Variants in SSBP4 observed in about 807,000 individuals in gnomAD.
SSBP4 encodes the protein single stranded DNA binding protein 4.
SSBP4 carries 33 observed loss-of-function variants against 64.6 expected under a neutral mutation model. The observed-to-expected ratio is 0.51, with a 90% confidence interval of 0.39 to 0.68. The LOEUF (loss-of-function observed/expected upper bound fraction) is 0.68, where lower values mean the gene tolerates loss of function less well. Among genes scored for constraint, SSBP4 ranks in the 30% least tolerant of loss-of-function variants. The probability of loss-of-function intolerance (pLI) is 0.00; values close to 1 mark genes in which losing one functional copy is unlikely to be tolerated. For missense variants in SSBP4, 583 were observed against 566.8 expected, an observed-to-expected ratio of 1.03 and a Z score of -0.29; for synonymous variants, 243 against 224.0, an observed-to-expected ratio of 1.08 and a Z score of -0.76.
chr19:18,430,649 G>T (rs1973283291), intron 4 of SSBP4, among the ~76,000 whole-genome samples, 192 bp from the exon 5 acceptor site: 1 of 152,168 alleles, frequency 6.6e-6, no homozygotes, highest in Non-Finnish European at 1.5e-5. Flanking sequence ...AAACGAGGGC[G>T]ACACTGGATC....
the SSBP4 span, among the ~76,000 whole-genome samples, chr19:18,413,542 C>A: frequency 6.6e-5 from 10 of 152,156 alleles, no homozygotes; most frequent in African/African-American, 1.2e-4. Flanking sequence ...CCCCCAACCT[C>A]ATTTTGATTT....
Position 18,434,472 on chromosome 19 carries a change from C to T in SSBP4, c.*226C>T. On this transcript the variant is annotated 3_prime_UTR_variant, in exon 18 of 18. Coordinates refer to ENST00000270061, the MANE Select transcript of SSBP4 (RefSeq NM_032627.5). ...CCTTCCTGCCATTTGTATTTTGTCC[C>T]AGAGAGAAAGGCTCTTTGGGGGGCC... 3.3e-6 allele frequency: 3 copies of T among 919,662 alleles called. No homozygotes were observed. Among genetic ancestry groups the T allele is most frequent in the Non-Finnish European group, 3.0e-6 (2 of 665,966 alleles). The allele number at this position is 919,662 out of a possible 1,614,324, so 57.0% of individuals were successfully genotyped here. A position where few individuals can be genotyped will look rare whatever the true frequency, so the allele number is the denominator to read the frequency against.
At position 18,424,258 on chromosome 19, in the gene SSBP4, C is replaced by T. The variant is rs374787508; in HGVS notation, c.60-3093C>T. ...TACCCCATGGTTCGCCTAATCCTCC[C>T]GGCATCCCAGGAGGGGGTCCCCGGG... On this transcript the variant is annotated intron_variant, in intron 1 of 17. Transcript: ENST00000270061. Among the ~76,000 whole-genome samples, 24 of 152,320 alleles carry T rather than the reference C, an allele frequency of 1.6e-4. No individual in the cohort carries two copies. The East Asian group carries it at 1.9e-3, about 12-fold the overall frequency.
intron 1 of SSBP4, 139 bp downstream of exon 1, chr19:18,419,846 C>CG (rs891894492): frequency 1.7e-5 from 8 of 467,216 alleles, no homozygotes; most frequent in African/African-American, 1.5e-4. Flanking sequence ...GCGAGATTGG[C>CG]GGGGGCGCGC....
chr19:18,403,968 C>T, the SSBP4 span, among the ~76,000 whole-genome samples: 1 of 151,984 alleles, frequency 6.6e-6, no homozygotes, highest in Non-Finnish European at 1.5e-5. Flanking sequence ...GCTTGAGTCC[C>T]AGGCAGGGCC....
Position 18,433,401 on chromosome 19 carries a change from C to T in SSBP4, c.992-184C>T, listed in dbSNP as rs982647690. The T allele has an allele frequency of 1.3e-5, 16 of 1,266,308 alleles. No homozygotes were observed. The African/African-American group carries it at 1.8e-4, about 14-fold the overall frequency. 78.4% of individuals were successfully genotyped at this position (1,266,308 alleles called of 1,614,324 possible). A position where few individuals can be genotyped will look rare whatever the true frequency, so the allele number is the denominator to read the frequency against. Reference sequence around the variant, plus strand: ...GATCCAGCGACCAAACCAGAGGATGCACTGACCGCCCCTCCCCCCCAGGCC... The same window carrying T: ...GATCCAGCGACCAAACCAGAGGATGTACTGACCGCCCCTCCCCCCCAGGCC... On this transcript the variant is annotated intron_variant, in intron 15 of 17. Coordinates refer to ENST00000270061, the MANE Select transcript of SSBP4 (RefSeq NM_032627.5).
intron 4 of SSBP4, among the ~76,000 whole-genome samples, chr19:18,429,919 G>A (rs1973206594): frequency 6.6e-6 from 1 of 152,154 alleles, no homozygotes; most frequent in African/African-American, 2.4e-5. Flanking sequence ...GATTTCTCCA[G>A]GAGCCCTCCT....
At chr19:18,405,438 A>G in the SSBP4 span, among the ~76,000 whole-genome samples, 5 of 143,878 alleles carry the variant, frequency 3.5e-5, no homozygotes, top group African/African-American at 1.3e-4. Flanking sequence ...AGTTGGGAGG[A>G]TCGCTTGAGC....
At chr19:18,421,124 C>T (rs1026873112) in intron 1 of SSBP4, among the ~76,000 whole-genome samples, 47 of 152,200 alleles carry the variant, frequency 3.1e-4, no homozygotes, top group Non-Finnish European at 5.7e-4. Context: ...GCCTCTTCTG[C>T]CTAGGCTGAC....
intron 11 of SSBP4, 32 bp downstream of exon 11, chr19:18,432,636 G>A (rs1210599823): frequency 6.4e-7 from 1 of 1,553,406 alleles, no homozygotes; most frequent in East Asian, 2.3e-5. Flanking sequence ...CAGGCTTGGG[G>A]TGGGGTGGGA....
chr19:18,430,907 T>C lies in SSBP4; in HGVS notation c.346T>C (p.Ser116Pro). 1 of 1,612,942 alleles carries C rather than the reference T, an allele frequency of 6.2e-7. No homozygotes were observed. The highest frequency in any genetic ancestry group is 1.7e-4 in the Middle Eastern group (1 of 6,058). Residue 116 changes from serine (S) to proline (P), a missense_variant, in exon 5 of 18, where the codon TCC (serine) becomes CCC (proline). Physicochemically the swap from Ser to Pro is moderately conservative, Grantham distance 74. Coordinates refer to ENST00000270061, the MANE Select transcript of SSBP4 (RefSeq NM_032627.5). ...CCCAGGTGACACAATGGCCGCAGGC[T>C]CCATGGCGGCTGGCTTCTTCCAGGT... ...MAPGDTMAAG[S>P]MAAGFFQGPP...
In SSBP4 at chr19:18,423,972, C is replaced by G. The variant is rs1226347373; in HGVS notation, c.60-3379C>G. ...CAACCGGTGGCGCCCCCAGACCTGG[C>G]CCCCGGAGCAGTCCTCTGGGAGGGG... is the stretch of plus-strand genomic sequence containing the variant. On this transcript the variant is annotated intron_variant, in intron 1 of 17. Transcript: ENST00000270061. The surrounding 1 kb of genome is among the most constrained non-coding windows in gnomAD (Gnocchi z 4.0). Among the ~76,000 whole-genome samples the G allele has an allele frequency of 6.6e-6, 1 of 152,120 alleles. No individual in the cohort carries two copies. The highest frequency in any genetic ancestry group is 1.5e-5 in the Non-Finnish European group (1 of 68,008).
In SSBP4 at chr19:18,432,037, G is replaced by A. The variant is rs755664943; in HGVS notation, c.603G>A (p.Thr201=). Residue 201 remains threonine (T), a synonymous_variant, in exon 9 of 18, where the codon ACG becomes ACA. Coordinates refer to ENST00000270061, the MANE Select transcript of SSBP4 (RefSeq NM_032627.5). ...PSMGGPMQRV[T]PPRGMASVGP... is the part of the protein sequence containing the mutation. ...TGGGCGGCCCAATGCAGAGGGTGAC[G>A]CCTCCTCGTGGCATGGCCAGCGTGG... The A allele has an allele frequency of 2.2e-5, 35 of 1,582,536 alleles. No homozygotes were observed. Among genetic ancestry groups the A allele is most frequent in the Middle Eastern group, 3.4e-4 (2 of 5,928 alleles).
the SSBP4 span, among the ~76,000 whole-genome samples, chr19:18,413,369 C>T: frequency 4.6e-5 from 7 of 151,996 alleles, no homozygotes; most frequent in Admixed American, 2.0e-4. Flanking sequence ...CGCGCCACCA[C>T]GCCTGGCTAA....
the SSBP4 span, among the ~76,000 whole-genome samples, chr19:18,410,666 A>C: frequency 1.3e-5 from 2 of 151,842 alleles, no homozygotes; most frequent in Non-Finnish European, 2.9e-5. Flanking sequence ...AGGTCAAGAG[A>C]GGCAGACTAG....
rs965236454 is a variant in SSBP4 at position 18,431,337 on chromosome 19, G to A, written c.370-16G>A. The A allele has an allele frequency of 3.1e-6, 2 of 643,238 alleles. No homozygotes were observed. Among genetic ancestry groups the A allele is most frequent in the Admixed American group, 7.3e-5 (2 of 27,370 alleles). 39.8% of individuals were successfully genotyped at this position (643,238 alleles called of 1,614,324 possible). A position where few individuals can be genotyped will look rare whatever the true frequency, so the allele number is the denominator to read the frequency against. ...GGGCCTCACTCCCCCCCACCCACCTGGTTCTGTCCTCCTAGGGCCCCCCCG... is the reference window on the plus strand; with the variant it reads ...GGGCCTCACTCCCCCCCACCCACCTAGTTCTGTCCTCCTAGGGCCCCCCCG... On this transcript the variant is annotated splice_polypyrimidine_tract_variant and intron_variant, in intron 5 of 17. Transcript: ENST00000270061.
At chr19:18,432,948 C>T (rs756973451) in intron 13 of SSBP4, 25 bp from the exon 14 acceptor site, 4 of 1,614,092 alleles carry the variant, frequency 2.5e-6, no homozygotes, top group Admixed American at 1.7e-5. Flanking sequence ...CCCGTCACAC[C>T]TGGCACCCTT....
chr19:18,402,819 A>G, the SSBP4 span, among the ~76,000 whole-genome samples: 1,831 of 152,268 alleles, frequency 0.012, 36 homozygotes, highest in African/African-American at 0.042. Context: ...ATTTCTCCCC[A>G]TGGGATAGTC....
At position 18,431,689 on chromosome 19, in the gene SSBP4, C is replaced by T. The variant is rs1236551924; in HGVS notation, c.478C>T (p.Leu160=). Residue 160 remains leucine (L), a synonymous_variant, in exon 7 of 18, where the codon CTG becomes TTG. Transcript: ENST00000270061. ...CTTCCCAGGGGGCCCCCGGCCCACC[C>T]TGCGGATGCCGAGTCAGGTGAGAAA... ...PRFPGGPRPT[L]RMPSQPPAGL... 5.8e-6 allele frequency: 9 copies of T among 1,552,268 alleles called. No homozygotes were observed. Among genetic ancestry groups the T allele is most frequent in the Non-Finnish European group, 7.8e-6 (9 of 1,148,386 alleles).
Sources: allele counts gnomAD v4.1 joint callset (sites outside exome capture counted in the v4.1 genomes callset), GRCh38; gene constraint gnomAD v4.1.1; non-coding constraint Gnocchi (gnomAD v3.1); transcripts MANE v1.5; gene names NCBI Gene and HGNC (gene_info 2026-07-23, HGNC 2026-07-21).